Variants in XRN1 observed in about 807,000 individuals in gnomAD.
The protein encoded by XRN1 is 5'-3' exoribonuclease 1.
A neutral mutation model predicts 222.3 loss-of-function variants in XRN1; 67 were observed. The observed-to-expected ratio is 0.30, with a 90% CI of 0.25 to 0.37. XRN1 has a LOEUF of 0.37. Among genes scored for constraint, XRN1 ranks in the 10% least tolerant of loss-of-function variants. The probability of loss-of-function intolerance (pLI) is 1.00; values close to 1 mark genes in which losing one functional copy is unlikely to be tolerated. For synonymous variants in XRN1, 643 were observed against 652.4 expected (o/e 0.99, Z 0.22); for missense variants, 1,707 against 2,000.2 (o/e 0.85, Z 2.80).
rs531959561 is a variant in XRN1 at position 142,388,204 on chromosome 3, T to C, written c.2340-3519A>G. 1.2e-3 allele frequency among the ~76,000 whole-genome samples: 181 copies of C among 152,306 alleles called. 1 individual carries two copies. Among genetic ancestry groups the C allele is most frequent in the Non-Finnish European group, 1.5e-3 (104 of 68,014 alleles). On this transcript the variant is annotated intron_variant, in intron 20 of 40. Transcript: ENST00000392981. ...CAAGACAGCAGATGAACCCCTCCTC[T>C]GCCTACTCAACATGAAGACGAAGAT...
intron 21 of XRN1, 33 bp from the exon 22 acceptor site, chr3:142,383,446 T>C: frequency 6.4e-7 from 1 of 1,551,500 alleles, no homozygotes; most frequent in Non-Finnish European, 8.8e-7. Context: ...ATCTTAGTCA[T>C]AATTTCTATA....
intron 10 of XRN1, 67 bp from the exon 11 acceptor site, chr3:142,418,948 T>C (rs964624939): frequency 7.6e-6 from 11 of 1,442,850 alleles, no homozygotes; most frequent in Non-Finnish European, 1.1e-5. Flanking sequence ...TCATTTCTCT[T>C]CCATGCACCC....
chr3:142,396,700 G>C (rs2067947029), intron 20 of XRN1, among the ~76,000 whole-genome samples: 1 of 152,178 alleles, frequency 6.6e-6, no homozygotes, highest in Non-Finnish European at 1.5e-5. Flanking sequence ...TCCATGGATA[G>C]GAAGGCTGAT....
Position 142,425,453 on chromosome 3 carries a change from A to T in XRN1, c.492T>A (p.Val164=). Residue 164 remains valine (V), a synonymous_variant, in exon 4 of 41, where the codon GTT becomes GTA. Coordinates refer to ENST00000392981, the MANE Select transcript of XRN1 (RefSeq NM_001282857.2). Reference sequence around the variant, plus strand: ...CCTCATGGCCTGAGAAGTAGATGGTAACTCCTTGCCATGACTTGTCTGTGG... The same window carrying T: ...CCTCATGGCCTGAGAAGTAGATGGTTACTCCTTGCCATGACTTGTCTGTGG... ...KISTDKSWQG[V]TIYFSGHETP... is the part of the protein sequence containing the mutation. 6.2e-7 allele frequency: 1 copy of T among 1,613,062 alleles called. No individual in the cohort carries two copies. The highest frequency in any genetic ancestry group is 2.2e-5 in the East Asian group (1 of 44,814).
At position 142,371,332 on chromosome 3, in the gene XRN1, G is replaced by A; in HGVS notation, c.2979-4C>T. 1 of 1,602,716 alleles carries A rather than the reference G, an allele frequency of 6.2e-7. No homozygotes were observed. Among genetic ancestry groups the A allele is most frequent in the Non-Finnish European group, 8.5e-7 (1 of 1,175,888 alleles). Reference sequence around the variant, plus strand: ...ATAACTAAATAGTTCTGGAGCTCTGGTCAAACAAACAAAAATATTGTCTTA... The same window carrying A: ...ATAACTAAATAGTTCTGGAGCTCTGATCAAACAAACAAAAATATTGTCTTA... On this transcript the variant is annotated splice_region_variant and splice_polypyrimidine_tract_variant and intron_variant, in intron 25 of 40. Transcript: ENST00000392981.
In XRN1 at chr3:142,318,516, C is replaced by T. The variant is rs922585427; in HGVS notation, c.4621+76G>A. Reference sequence around the variant, plus strand: ...TCTTACATTCCTAGATATTTGAGTACATTCTTGATTTCTTAAAAGAGCTTA... The same window carrying T: ...TCTTACATTCCTAGATATTTGAGTATATTCTTGATTTCTTAAAAGAGCTTA... On this transcript the variant is annotated intron_variant, in intron 39 of 40. Transcript: ENST00000392981. The T allele has an allele frequency of 3.9e-6, 5 of 1,291,446 alleles. No homozygotes were observed. In the African/African-American group the frequency reaches 5.9e-5, roughly 15 times the overall value. 80.0% of individuals were successfully genotyped at this position (1,291,446 alleles called of 1,614,324 possible).
At chr3:142,321,276 T>A (rs1007988812) in intron 37 of XRN1, among the ~76,000 whole-genome samples, 8 of 151,934 alleles carry the variant, frequency 5.3e-5, no homozygotes, top group African/African-American at 1.9e-4. Context: ...CATGCCATCA[T>A]GTCCAGCTAA....
intron 33 of XRN1, among the ~76,000 whole-genome samples, chr3:142,340,880 G>GGT (rs1306606629): frequency 6.6e-6 from 1 of 152,112 alleles, no homozygotes; most frequent in Non-Finnish European, 1.5e-5. Flanking sequence ...CAAAAGCTGA[G>GGT]GAATTTCATC....
intron 33 of XRN1, among the ~76,000 whole-genome samples, chr3:142,341,286 TAAAC>T (rs2065986720): frequency 6.6e-6 from 1 of 151,776 alleles, no homozygotes; most frequent in Non-Finnish European, 1.5e-5. Flanking sequence ...TCAAAAAACA[TAAAC>T]AGATACACAA....
chr3:142,394,300 T>C (rs2067847049), intron 20 of XRN1, among the ~76,000 whole-genome samples: 1 of 152,230 alleles, frequency 6.6e-6, no homozygotes, highest in African/African-American at 2.4e-5. Context: ...AATCCAGCCA[T>C]TTGTTTTTTC....
At chr3:142,394,965 T>C (rs1232940581) in intron 20 of XRN1, among the ~76,000 whole-genome samples, 1 of 152,220 alleles carries the variant, frequency 6.6e-6, no homozygotes, top group Non-Finnish European at 1.5e-5. Flanking sequence ...GAAAAGAATA[T>C]ACTCAACTTA....
At chr3:142,436,027 T>G (rs1282688463) in intron 1 of XRN1, 1 of 128,662 alleles carries the variant, frequency 7.8e-6, no homozygotes, top group East Asian at 2.2e-4. Context: ...GCCGCTGCAC[T>G]CCAGCCTGGG....
rs73238166 is a variant in XRN1, at chr3:142,371,221, A to G, written c.3068+18T>C. The G allele has an allele frequency of 6.7e-3, 10,725 of 1,592,312 alleles. 48 individuals carry two copies. Among genetic ancestry groups the G allele is most frequent in the Non-Finnish European group, 8.4e-3 (9,734 of 1,162,046 alleles). On this transcript the variant is annotated intron_variant, in intron 26 of 40. Transcript: ENST00000392981. ...TGAATTGAACTATGAGGTAATAAATATCATAAATCTTGCTTACCCATTCTC... is the reference window on the plus strand; with the variant it reads ...TGAATTGAACTATGAGGTAATAAATGTCATAAATCTTGCTTACCCATTCTC...
chr3:142,351,002 AAG>A (rs1407878545), intron 32 of XRN1, among the ~76,000 whole-genome samples: 3 of 152,284 alleles, frequency 2.0e-5, no homozygotes, highest in African/African-American at 7.2e-5. Flanking sequence ...CCAAGCTGGA[AAG>A]AGAAGTTTGG....
At chr3:142,389,676 C>T (rs139808469) in intron 20 of XRN1, among the ~76,000 whole-genome samples, 139 of 152,210 alleles carry the variant, frequency 9.1e-4, no homozygotes, top group Middle Eastern at 3.4e-3. Context: ...TCCGCCACCA[C>T]GCTCAGCTAA....
chr3:142,349,589 CAT>C (rs1275071387), intron 32 of XRN1, among the ~76,000 whole-genome samples: 1 of 151,926 alleles, frequency 6.6e-6, no homozygotes, highest in Non-Finnish European at 1.5e-5. Flanking sequence ...AAAGGTAAGC[CAT>C]ATGTTTAATT....
At chr3:142,327,598 C>A (rs1039374717) in intron 37 of XRN1, among the ~76,000 whole-genome samples, 8 of 149,070 alleles carry the variant, frequency 5.4e-5, no homozygotes, top group Non-Finnish European at 1.2e-4. Flanking sequence ...TCATTAATTT[C>A]TGCCCCAATC....
chr3:142,369,453 C>T (rs2066915658), intron 27 of XRN1, among the ~76,000 whole-genome samples: 1 of 151,196 alleles, frequency 6.6e-6, no homozygotes, highest in African/African-American at 2.4e-5. Context: ...TCAAGACCAG[C>T]CTGGCCAACA....
chr3:142,353,596 A>G (rs2066375984), intron 32 of XRN1, among the ~76,000 whole-genome samples: 1 of 152,154 alleles, frequency 6.6e-6, no homozygotes, highest in African/African-American at 2.4e-5. Flanking sequence ...GACTCCCTAT[A>G]CATGATGCTG....
Sources: gnomAD v4.1 joint callset for allele counts (sites outside exome capture counted in the v4.1 genomes callset) on GRCh38, gnomAD v4.1.1 for gene constraint, MANE v1.5 for transcripts, NCBI Gene and HGNC (gene_info 2026-07-23, HGNC 2026-07-21) for gene names.